Variants in CCT3 observed in about 807,000 individuals in gnomAD.
CCT3 encodes chaperonin containing TCP1 subunit 3.
CCT3 carries 10 observed loss-of-function variants against 65.3 expected under a neutral mutation model. The ratio of observed to expected loss-of-function variants is 0.15; its 90% CI spans 0.09 to 0.26. The LOEUF (loss-of-function observed/expected upper bound fraction) is 0.26, where lower values mean the gene tolerates loss of function less well. Among genes scored for constraint, CCT3 ranks in the 10% least tolerant of loss-of-function variants. The pLI is 1.00. For missense variants in CCT3, 626 were observed against 708.7 expected (o/e 0.88, Z 1.33); for synonymous variants, 225 against 242.3 (o/e 0.93, Z 0.66).
rs1558274927 is a variant in CCT3, at chr1:156,334,852, GA to G, written c.144+15del. 6.2e-7 allele frequency: 1 copy of G among 1,613,982 alleles called. No individual in the cohort carries two copies. Among genetic ancestry groups the G allele is most frequent in the Admixed American group, 1.7e-5 (1 of 60,006 alleles). ...AAAAATTGTAGCCTAAGAGTTTTAG[GA>G]AGAGATAAGCCTACCTTCATCATGG... On this transcript the variant is annotated intron_variant, in intron 3 of 13. Coordinates refer to ENST00000295688, the MANE Select transcript of CCT3 (RefSeq NM_005998.5).
At position 156,321,056 on chromosome 1, in the gene CCT3, A is replaced by G. The variant is rs1198906869; in HGVS notation, c.423-31T>C. Reference sequence around the variant, plus strand: ...GAAAAGAAAACCAGACGATATGTGAAGAAGGCATGTTAGATATGTAGAGAT... The same window carrying G: ...GAAAAGAAAACCAGACGATATGTGAGGAAGGCATGTTAGATATGTAGAGAT... On this transcript the variant is annotated intron_variant, in intron 6 of 13. Transcript: ENST00000295688. The G allele has an allele frequency of 1.9e-6, 3 of 1,579,196 alleles. No individual in the cohort carries two copies. In the East Asian group the frequency reaches 6.7e-5, roughly 35 times the overall value.
At chr1:156,323,415 G>T (rs139273797) in intron 6 of CCT3, among the ~76,000 whole-genome samples, 1 of 148,558 alleles carries the variant, frequency 6.7e-6, no homozygotes, top group African/African-American at 2.5e-5. Context: ...TTTAAATAAA[G>T]AAAAAAAAAA....
At chr1:156,323,367 A>G (rs891619942) in intron 6 of CCT3, among the ~76,000 whole-genome samples, 1 of 152,010 alleles carries the variant, frequency 6.6e-6, no homozygotes, top group Non-Finnish European at 1.5e-5. Context: ...ATTACTAAAC[A>G]CTTATGCATC....
intron 2 of CCT3, 128 bp from the exon 3 acceptor site, chr1:156,335,046 T>C: frequency 1.3e-6 from 1 of 754,684 alleles, no homozygotes. Context: ...TAATTTTATT[T>C]TATTTTTAGA....
chr1:156,338,085 G>A, intron 1 of CCT3, 69 bp downstream of exon 1: 2 of 1,521,494 alleles, frequency 1.3e-6, no homozygotes, highest in South Asian at 2.4e-5. Context: ...CGGAGCTGGG[G>A]CAACACTGAA....
rs1265365291 is a variant in CCT3 at position 156,326,258 on chromosome 1, G to A, written c.305-1169C>T. Among the ~76,000 whole-genome samples the A allele has an allele frequency of 2.0e-5, 3 of 152,240 alleles. No homozygotes were observed. The East Asian group carries it at 5.8e-4, about 29-fold the overall frequency. ...CTGGGAGGACTCATTGAGCCCAGAA[G>A]GTCAAGGCTGCAGTGAGCCGTGATC... is the stretch of plus-strand genomic sequence containing the variant. On this transcript the variant is annotated intron_variant, in intron 5 of 13. Coordinates refer to ENST00000295688, the MANE Select transcript of CCT3 (RefSeq NM_005998.5).
At chr1:156,327,289 C>G (rs936896227) in intron 5 of CCT3, among the ~76,000 whole-genome samples, 4 of 152,128 alleles carry the variant, frequency 2.6e-5, no homozygotes, top group Non-Finnish European at 4.4e-5. Context: ...TCCCCTCTCC[C>G]TCTCCACGGT....
intron 6 of CCT3, 146 bp from the exon 7 acceptor site, chr1:156,321,171 A>G (rs1000713126): frequency 1.6e-5 from 10 of 638,708 alleles, no homozygotes; most frequent in South Asian, 4.4e-5. Context: ...AAAGGACATT[A>G]GGAGGTAACC....
chr1:156,311,892 T>TA (rs1413967422), intron 11 of CCT3, 149 bp downstream of exon 11: 3 of 477,978 alleles, frequency 6.3e-6, no homozygotes, highest in Non-Finnish European at 1.0e-5. Flanking sequence ...ATTATTTAAT[T>TA]AAAAAAAGGA....
At chr1:156,325,509 CAG>C (rs1664761372) in intron 5 of CCT3, among the ~76,000 whole-genome samples, 1 of 151,844 alleles carries the variant, frequency 6.6e-6, no homozygotes, top group Non-Finnish European at 1.5e-5. Context: ...ATCTGGGTGA[CAG>C]AGTGAGACCC....
chr1:156,327,846 C>T (rs1268746613), intron 5 of CCT3, among the ~76,000 whole-genome samples: 9 of 150,076 alleles, frequency 6.0e-5, no homozygotes, highest in East Asian at 2.0e-4. Flanking sequence ...AAGTGAGGAG[C>T]GTCTCTGCCC....
At chr1:156,321,995 C>T (rs954158881) in intron 6 of CCT3, among the ~76,000 whole-genome samples, 3 of 152,198 alleles carry the variant, frequency 2.0e-5, no homozygotes, top group Non-Finnish European at 4.4e-5. Context: ...ATGCTTCACG[C>T]CTGTAAACCC....
At chr1:156,313,211 C>T (rs577215432) in intron 10 of CCT3, among the ~76,000 whole-genome samples, 11 of 151,986 alleles carry the variant, frequency 7.2e-5, no homozygotes, top group African/African-American at 1.4e-4. Context: ...TCATGGCACA[C>T]GCCTGTACTC....
chr1:156,314,978 A>G (rs962991783), intron 10 of CCT3, among the ~76,000 whole-genome samples: 3 of 152,172 alleles, frequency 2.0e-5, no homozygotes, highest in South Asian at 2.1e-4. Flanking sequence ...AAATATTTTT[A>G]GAGAAACAAA....
At chr1:156,310,169 G>T (rs1230087063) in intron 13 of CCT3, among the ~76,000 whole-genome samples, 1 of 151,730 alleles carries the variant, frequency 6.6e-6, no homozygotes, top group Admixed American at 6.6e-5. Flanking sequence ...TACCTTAGAG[G>T]AATATTCTGC....
chr1:156,310,780 G>C (rs1664050823), intron 12 of CCT3, 91 bp from the exon 13 acceptor site: 25 of 1,486,974 alleles, frequency 1.7e-5, no homozygotes, highest in Non-Finnish European at 2.3e-5. Flanking sequence ...CAGTATGGAA[G>C]GGACAGGGAA....
intron 5 of CCT3, among the ~76,000 whole-genome samples, chr1:156,329,303 CTTTTTTTTTTTT>C (rs765770849): frequency 8.4e-6 from 1 of 119,544 alleles, no homozygotes; most frequent in Admixed American, 9.8e-5. Flanking sequence ...GTATCCCCAT[CTTTTTTTTTTTT>C]TTTTTTTTTG....
At position 156,338,244 on chromosome 1, in the gene CCT3, AG is replaced by A. The variant is rs1170673074; in HGVS notation, c.-61del. On this transcript the variant is annotated 5_prime_UTR_variant, in exon 1 of 14. Coordinates refer to ENST00000295688, the MANE Select transcript of CCT3 (RefSeq NM_005998.5). The stretch of plus-strand genomic sequence containing the variant: ...GGGGAACCGGCAGAACCTTCTGGAG[AG>A]AGAGAACCAGACAGAAGCCCAGAAA... 9 of 1,535,330 alleles carry A rather than the reference AG, an allele frequency of 5.9e-6. No individual in the cohort carries two copies. Among genetic ancestry groups the A allele is most frequent in the Non-Finnish European group, 8.0e-6 (9 of 1,129,476 alleles).
chr1:156,320,775 TC>T, intron 7 of CCT3, 63 bp downstream of exon 7: 1 of 1,157,526 alleles, frequency 8.6e-7, no homozygotes, highest in Non-Finnish European at 1.3e-6. Flanking sequence ...GACTATTTCC[TC>T]ACAAGTGAGA....
Sources: gnomAD v4.1 joint callset for allele counts (sites outside exome capture counted in the v4.1 genomes callset) on GRCh38, gnomAD v4.1.1 for gene constraint, MANE v1.5 for transcripts, NCBI Gene and HGNC (gene_info 2026-07-23, HGNC 2026-07-21) for gene names.